Variants in IGLON5 observed in about 807,000 individuals in gnomAD.
IGLON5 encodes the protein Ig-like domain-containing protein ENSP00000270642.
A neutral mutation model predicts 38.2 loss-of-function variants in IGLON5; 16 were observed. That is an observed-to-expected ratio of 0.42 (90% CI 0.28 to 0.64). IGLON5 has a LOEUF of 0.64. IGLON5 is among the 30% of genes least tolerant of loss of function. The pLI is 0.23. For synonymous variants in IGLON5, 207 were observed against 216.4 expected (o/e 0.96, Z 0.38); for missense variants, 366 against 483.4 (o/e 0.76, Z 2.28).
At chr19:51,320,647 G>C (rs1055763690) in intron 1 of IGLON5, among the ~76,000 whole-genome samples, 2 of 152,174 alleles carry the variant, frequency 1.3e-5, no homozygotes, top group African/African-American at 2.4e-5. Context: ...CAGTGTGCCT[G>C]TGTAGATGTG....
chr19:51,327,284 G>C lies in IGLON5; in HGVS notation c.767+84G>C. 1.3e-6 allele frequency: 2 copies of C among 1,527,006 alleles called. No homozygotes were observed. Among genetic ancestry groups the C allele is most frequent in the Non-Finnish European group, 1.8e-6 (2 of 1,133,348 alleles). 94.6% of individuals were successfully genotyped at this position (1,527,006 alleles called of 1,614,324 possible). ...ATTGTGAGGCAGGGGGACGGAGCGG[G>C]GCGGGGGAAGGCAGCAGAGCTCTGG... On this transcript the variant is annotated intron_variant, in intron 6 of 7. Coordinates refer to ENST00000270642, the MANE Select transcript of IGLON5 (RefSeq NM_001101372.3). This position sits in a 1 kb window ranked among gnomAD's most constrained non-coding sequence, Gnocchi z 7.1.
intron 4 of IGLON5, among the ~76,000 whole-genome samples, chr19:51,326,060 G>C (rs1216371030): frequency 6.6e-6 from 1 of 152,042 alleles, no homozygotes; most frequent in Non-Finnish European, 1.5e-5. Flanking sequence ...TGACAGTCCA[G>C]GTCCTAGACA....
rs1160591696 is a variant in IGLON5, at chr19:51,311,765, C to T, written c.-83C>T. ...GTGCAGCGCAGGCGGGGTCCCCCTC[C>T]CCCTCCCCCCTCTCCCCCCAGGCCT... On this transcript the variant is annotated 5_prime_UTR_variant, in exon 1 of 8. Coordinates refer to ENST00000270642, the MANE Select transcript of IGLON5 (RefSeq NM_001101372.3). 15 of 226,532 alleles carry T rather than the reference C, an allele frequency of 6.6e-5. No homozygotes were observed. Among genetic ancestry groups the T allele is most frequent in the African/African-American group, 3.3e-4 (14 of 42,056 alleles). The allele number at this position is 226,532 out of a possible 1,614,324, so 14.0% of individuals were successfully genotyped here. A position where few individuals can be genotyped will look rare whatever the true frequency, so the allele number is the denominator to read the frequency against.
intron 1 of IGLON5, among the ~76,000 whole-genome samples, chr19:51,319,260 G>A (rs1033782877): frequency 2.6e-5 from 4 of 151,954 alleles, no homozygotes; most frequent in African/African-American, 4.8e-5. Context: ...CCCGTCGTTC[G>A]GTCCAGGTTT....
In IGLON5 at chr19:51,324,129, G is replaced by A. The variant is rs1985156437; in HGVS notation, c.391+235G>A. ...GCTACAGGGATGAGGGGGTGCTTGG[G>A]GGAAGACCACGTTCATTTGTTCAGC... On this transcript the variant is annotated intron_variant, in intron 3 of 7. Coordinates refer to ENST00000270642, the MANE Select transcript of IGLON5 (RefSeq NM_001101372.3). The surrounding 1 kb of genome is among the most constrained non-coding windows in gnomAD (Gnocchi z 4.2). 6.6e-6 allele frequency among the ~76,000 whole-genome samples: 1 copy of A among 152,128 alleles called. No individual in the cohort carries two copies. Among genetic ancestry groups the A allele is most frequent in the Non-Finnish European group, 1.5e-5 (1 of 68,022 alleles).
In IGLON5 at chr19:51,327,440, G is replaced by A. The variant is rs1985246107; in HGVS notation, c.767+240G>A. ...TTTTCAGGGAGCTGGCCAGGGGTCG[G>A]GGGTCAATGCTGAGGATCTGTCGGG... On this transcript the variant is annotated intron_variant, in intron 6 of 7. Coordinates refer to ENST00000270642, the MANE Select transcript of IGLON5 (RefSeq NM_001101372.3). This position sits in a 1 kb window ranked among gnomAD's most constrained non-coding sequence, Gnocchi z 7.1. Among the ~76,000 whole-genome samples, 1 of 152,164 alleles carries A rather than the reference G, an allele frequency of 6.6e-6. No homozygotes were observed. Among genetic ancestry groups the A allele is most frequent in the African/African-American group, 2.4e-5 (1 of 41,446 alleles).
At position 51,327,959 on chromosome 19, in the gene IGLON5, G is replaced by A; in HGVS notation, c.922+73G>A. The A allele has an allele frequency of 7.1e-7, 1 of 1,405,518 alleles. No homozygotes were observed. The highest frequency in any genetic ancestry group is 9.3e-7 in the Non-Finnish European group (1 of 1,073,108). The allele number at this position is 1,405,518 out of a possible 1,614,324, so 87.1% of individuals were successfully genotyped here. On this transcript the variant is annotated intron_variant, in intron 7 of 7. Transcript: ENST00000270642. This position sits in a 1 kb window ranked among gnomAD's most constrained non-coding sequence, Gnocchi z 7.1. ...GCGGGGCTAGGGAAGTGGAGACGCC[G>A]GGACCGCCCTTCAGGCTGGCCCTGA... is the stretch of plus-strand genomic sequence containing the variant.
intron 1 of IGLON5, among the ~76,000 whole-genome samples, chr19:51,320,683 G>T (rs1168363413): frequency 6.6e-6 from 1 of 152,232 alleles, no homozygotes; most frequent in Admixed American, 6.5e-5. Context: ...TTGTGTGTGT[G>T]TGAGGGTGTA....
intron 1 of IGLON5, among the ~76,000 whole-genome samples, chr19:51,318,940 G>C (rs995274757): frequency 6.6e-6 from 1 of 152,188 alleles, no homozygotes; most frequent in South Asian, 2.1e-4. Flanking sequence ...GGGGAAGGGG[G>C]TGTGTGATTT....
rs572107888 is a variant in IGLON5 at position 51,313,498 on chromosome 19, T to C, written c.79+1572T>C. Among the ~76,000 whole-genome samples, 15 of 152,358 alleles carry C rather than the reference T, an allele frequency of 9.8e-5. No homozygotes were observed. The South Asian group carries it at 3.1e-3, about 32-fold the overall frequency. On this transcript the variant is annotated intron_variant, in intron 1 of 7. Transcript: ENST00000270642. ...TGATACTTGCTTGCTTCCTCACTTA[T>C]GCCTTAATCTTCATTAACTTCTCTC...
At position 51,329,547 on chromosome 19, in the gene IGLON5, C is replaced by T. The variant is rs1020063470; in HGVS notation, c.*788C>T. 1 of 152,264 alleles carries T rather than the reference C, an allele frequency of 6.6e-6. No individual in the cohort carries two copies. Among genetic ancestry groups the T allele is most frequent in the African/African-American group, 2.4e-5 (1 of 41,440 alleles). 9.4% of individuals were successfully genotyped at this position (152,264 alleles called of 1,614,324 possible). On this transcript the variant is annotated 3_prime_UTR_variant, in exon 8 of 8. Transcript: ENST00000270642. This position sits in a 1 kb window ranked among gnomAD's most constrained non-coding sequence, Gnocchi z 4.3. Reference sequence around the variant, plus strand: ...CCTCCACACCCTGGATTTTCTGGCCCCCTCCTGGGCCAATCGGTGCTTCCA... The same window carrying T: ...CCTCCACACCCTGGATTTTCTGGCCTCCTCCTGGGCCAATCGGTGCTTCCA...
chr19:51,326,936 ACCCCCGAGT>A, intron 5 of IGLON5, 38 bp downstream of exon 5: 1 of 1,571,342 alleles, frequency 6.4e-7, no homozygotes, highest in Non-Finnish European at 8.6e-7. Flanking sequence ...AGGGTGGCGG[ACCCCCGAGT>A]CCCTGGGGAG....
chr19:51,312,048 C>T (rs1984779095), intron 1 of IGLON5, 122 bp downstream of exon 1: 2 of 463,646 alleles, frequency 4.3e-6, no homozygotes, highest in African/African-American at 2.1e-5. Context: ...GGCCCCGGGA[C>T]GCCGGGGTCT....
In IGLON5 at chr19:51,325,822, C is replaced by A. The variant is rs888404515; in HGVS notation, c.511+357C>A. Reference sequence around the variant, plus strand: ...GGTGCCCTAAGCCAGGCTGCACCAGCGGTCCTGCGTACATCTCTGCCTCTC... The same window carrying A: ...GGTGCCCTAAGCCAGGCTGCACCAGAGGTCCTGCGTACATCTCTGCCTCTC... On this transcript the variant is annotated intron_variant, in intron 4 of 7. Coordinates refer to ENST00000270642, the MANE Select transcript of IGLON5 (RefSeq NM_001101372.3). This position sits in a 1 kb window ranked among gnomAD's most constrained non-coding sequence, Gnocchi z 5.5. Among the ~76,000 whole-genome samples the A allele has an allele frequency of 6.9e-5, 10 of 144,930 alleles. No individual in the cohort carries two copies. The highest frequency in any genetic ancestry group is 2.1e-4 in the South Asian group (1 of 4,702).
chr19:51,311,958 CG>C, intron 1 of IGLON5, 32 bp downstream of exon 1: 1 of 1,213,648 alleles, frequency 8.2e-7, no homozygotes, highest in Non-Finnish European at 1.1e-6. Flanking sequence ...GGGGCTCGGC[CG>C]GGACGCCAGG....
intron 2 of IGLON5, among the ~76,000 whole-genome samples, chr19:51,322,795 C>CT: frequency 6.9e-6 from 1 of 144,678 alleles, no homozygotes; most frequent in Non-Finnish European, 1.5e-5. Context: ...TGGGTCTCTG[C>CT]CCCCCTCTCT....
chr19:51,320,075 T>C (rs1005663863), intron 1 of IGLON5, among the ~76,000 whole-genome samples: 4 of 152,084 alleles, frequency 2.6e-5, no homozygotes, highest in Non-Finnish European at 5.9e-5. Flanking sequence ...GCATCCATCA[T>C]CCATCCCCAA....
intron 1 of IGLON5, among the ~76,000 whole-genome samples, chr19:51,315,014 A>T (rs1984882399): frequency 6.6e-6 from 1 of 152,350 alleles, no homozygotes; most frequent in South Asian, 2.1e-4. Flanking sequence ...GAAACAAAAT[A>T]AGCCCATTTC....
Position 51,325,515 on chromosome 19 carries a change from G to C in IGLON5, c.511+50G>C. 1 of 1,538,702 alleles carries C rather than the reference G, an allele frequency of 6.5e-7. No homozygotes were observed. The highest frequency in any genetic ancestry group is 8.8e-7 in the Non-Finnish European group (1 of 1,141,412). ...AGCCCCGTCCCCCACTGCGCAGTCTGGGCCCCTCCATTCCCCATATCCCTA... is the reference window on the plus strand; with the variant it reads ...AGCCCCGTCCCCCACTGCGCAGTCTCGGCCCCTCCATTCCCCATATCCCTA... On this transcript the variant is annotated intron_variant, in intron 4 of 7. Coordinates refer to ENST00000270642, the MANE Select transcript of IGLON5 (RefSeq NM_001101372.3). The surrounding 1 kb of genome is among the most constrained non-coding windows in gnomAD (Gnocchi z 5.5).
Sources: gnomAD v4.1 joint callset for allele counts (sites outside exome capture counted in the v4.1 genomes callset) on GRCh38, gnomAD v4.1.1 for gene constraint, Gnocchi (gnomAD v3.1) non-coding constraint, MANE v1.5 for transcripts, NCBI Gene and HGNC (gene_info 2026-07-23, HGNC 2026-07-21) for gene names.